Variants in FNDC3B observed in about 807,000 individuals in gnomAD.
FNDC3B encodes the protein fibronectin type III domain-containing protein 3B.
A neutral mutation model predicts 151.5 loss-of-function variants in FNDC3B; 12 were observed. That is an observed-to-expected ratio of 0.08 (90% CI 0.05 to 0.13). The LOEUF is 0.13. Among genes scored for constraint, FNDC3B ranks in the 10% least tolerant of loss-of-function variants. The pLI is 1.00. For missense variants in FNDC3B, 1,214 were observed against 1,505.3 expected (o/e 0.81, Z 3.20); for synonymous variants, 528 against 549.0 (o/e 0.96, Z 0.54).
At chr3:172,204,762 T>C (rs369621010) in intron 3 of FNDC3B, among the ~76,000 whole-genome samples, 63 of 152,364 alleles carry the variant, frequency 4.1e-4, no homozygotes, top group African/African-American at 1.4e-3. Flanking sequence ...ATTCGCTGCA[T>C]GAACTGCGGA....
At chr3:172,093,360 G>A (rs1044180946) in intron 1 of FNDC3B, among the ~76,000 whole-genome samples, 23 of 151,424 alleles carry the variant, frequency 1.5e-4, no homozygotes, top group Non-Finnish European at 2.5e-4. Context: ...CCGGGTTCAC[G>A]CCATTCTCCT....
At chr3:172,053,813 T>C (rs943115193) in intron 1 of FNDC3B, among the ~76,000 whole-genome samples, 2 of 149,814 alleles carry the variant, frequency 1.3e-5, no homozygotes, top group Non-Finnish European at 3.0e-5. Context: ...TTTGAAACAA[T>C]ATTCTGGACA....
chr3:172,190,441 G>C (rs1439058834), intron 3 of FNDC3B, among the ~76,000 whole-genome samples: 1 of 152,156 alleles, frequency 6.6e-6, no homozygotes, highest in Admixed American at 6.5e-5. Context: ...CTAGGAATCG[G>C]ATTGCAGCAT....
Position 172,352,241 on chromosome 3 carries a change from T to A in FNDC3B, c.2515-562T>A, listed in dbSNP as rs1733890673. ...TTGAAAGACCTGGGAGTGATCAAGG[T>A]GTCAGCTGTTTCTCTTGGGTAAAAT... On this transcript the variant is annotated intron_variant, in intron 21 of 25. Transcript: ENST00000415807. This position sits in a 1 kb window ranked among gnomAD's most constrained non-coding sequence, Gnocchi z 4.2. Among the ~76,000 whole-genome samples, 1 of 152,240 alleles carries A rather than the reference T, an allele frequency of 6.6e-6. No individual in the cohort carries two copies. Among genetic ancestry groups the A allele is most frequent in the African/African-American group, 2.4e-5 (1 of 41,460 alleles).
At chr3:172,053,624 T>C (rs1042577990) in intron 1 of FNDC3B, among the ~76,000 whole-genome samples, 1 of 151,878 alleles carries the variant, frequency 6.6e-6, no homozygotes, top group African/African-American at 2.4e-5. Context: ...ATACAAAAAT[T>C]AGCCAGGCGT....
chr3:172,150,327 ATTTAAGGTT>A (rs1387066020), intron 3 of FNDC3B, among the ~76,000 whole-genome samples: 8 of 152,166 alleles, frequency 5.3e-5, no homozygotes, highest in African/African-American at 1.9e-4. Flanking sequence ...TATGTCTAAT[ATTTAAGGTT>A]TTGAATTATT....
intron 11 of FNDC3B, among the ~76,000 whole-genome samples, chr3:172,314,355 G>GC (rs1261927558): frequency 2.6e-5 from 4 of 152,194 alleles, no homozygotes; most frequent in Non-Finnish European, 5.9e-5. Flanking sequence ...ACAAATCACT[G>GC]CCTGAGAGTG....
At chr3:172,155,697 A>G (rs1722445117) in intron 3 of FNDC3B, among the ~76,000 whole-genome samples, 1 of 152,238 alleles carries the variant, frequency 6.6e-6, no homozygotes, top group Non-Finnish European at 1.5e-5. Context: ...AGAGAGCAAA[A>G]TAGGAGTGAA....
At chr3:172,371,340 T>G (rs866513782) in intron 23 of FNDC3B, among the ~76,000 whole-genome samples, 4 of 152,342 alleles carry the variant, frequency 2.6e-5, no homozygotes, top group Non-Finnish European at 2.9e-5. Flanking sequence ...GCATCCTTTT[T>G]TTCCCCCATT....
At chr3:172,078,561 T>C (rs1307122503) in intron 1 of FNDC3B, among the ~76,000 whole-genome samples, 3 of 152,194 alleles carry the variant, frequency 2.0e-5, no homozygotes, top group Admixed American at 1.3e-4. Context: ...TGTTTGAAAA[T>C]AGTAAATTTC....
At chr3:172,048,718 TA>T (rs1716485642) in intron 1 of FNDC3B, among the ~76,000 whole-genome samples, 4 of 152,110 alleles carry the variant, frequency 2.6e-5, no homozygotes, top group African/African-American at 9.7e-5. Context: ...GATGAATGGA[TA>T]AACAAAATAT....
chr3:172,206,958 CT>C (rs1725465201), intron 3 of FNDC3B, among the ~76,000 whole-genome samples: 2 of 152,026 alleles, frequency 1.3e-5, no homozygotes, highest in Non-Finnish European at 2.9e-5. Flanking sequence ...TTGTTTTGGC[CT>C]TTTTTGCCTT....
At chr3:172,247,365 T>G (rs1437872831) in intron 4 of FNDC3B, among the ~76,000 whole-genome samples, 168 bp from the exon 5 acceptor site, 3 of 152,248 alleles carry the variant, frequency 2.0e-5, no homozygotes, top group African/African-American at 7.2e-5. Context: ...ATGTTATTAC[T>G]TCTAGAACTC....
At chr3:172,082,823 G>A (rs1718350850) in intron 1 of FNDC3B, among the ~76,000 whole-genome samples, 1 of 152,182 alleles carries the variant, frequency 6.6e-6, no homozygotes, top group Non-Finnish European at 1.5e-5. Context: ...TAGAAGACTG[G>A]ATTGGAAATG....
intron 3 of FNDC3B, among the ~76,000 whole-genome samples, chr3:172,172,628 A>T (rs145713639): frequency 6.6e-6 from 1 of 152,360 alleles, no homozygotes; most frequent in African/African-American, 2.4e-5. Flanking sequence ...GGGTTCCAAG[A>T]ACTTGCTTGC....
At chr3:172,232,834 T>G (rs1726957597) in intron 4 of FNDC3B, among the ~76,000 whole-genome samples, 2 of 152,204 alleles carry the variant, frequency 1.3e-5, no homozygotes, top group South Asian at 4.1e-4. Flanking sequence ...GATAAATTAT[T>G]TCACCACATA....
chr3:172,324,794 C>G (rs979071716), intron 11 of FNDC3B, among the ~76,000 whole-genome samples: 1 of 152,232 alleles, frequency 6.6e-6, no homozygotes, highest in African/African-American at 2.4e-5. Flanking sequence ...CCAGAATGAT[C>G]AATGGTGTTC....
intron 22 of FNDC3B, among the ~76,000 whole-genome samples, chr3:172,359,966 T>G (rs7631840): frequency 0.024 from 3,694 of 152,308 alleles, 155 homozygotes; most frequent in African/African-American, 0.085. Context: ...TAAACATTTG[T>G]GTGCAGGTTT....
intron 23 of FNDC3B, among the ~76,000 whole-genome samples, chr3:172,373,658 T>A (rs1488713362): frequency 6.6e-6 from 1 of 152,122 alleles, no homozygotes; most frequent in Non-Finnish European, 1.5e-5. Flanking sequence ...ATTAACTTAG[T>A]CTTTGTAAAA....
Sources: gnomAD v4.1 joint callset for allele counts (sites outside exome capture counted in the v4.1 genomes callset) on GRCh38, gnomAD v4.1.1 for gene constraint, Gnocchi (gnomAD v3.1) non-coding constraint, MANE v1.5 for transcripts, NCBI Gene and HGNC (gene_info 2026-07-23, HGNC 2026-07-21) for gene names.